Variants in SLC4A10 observed in about 807,000 individuals in gnomAD.
SLC4A10 encodes the protein solute carrier family 4 member 10.
In SLC4A10, 42 loss-of-function variants were observed where a neutral mutation model predicts 137.7. The ratio of observed to expected loss-of-function variants is 0.30; its 90% CI spans 0.24 to 0.39. The LOEUF (loss-of-function observed/expected upper bound fraction) is 0.39. SLC4A10 is among the 10% of genes least tolerant of loss of function. The probability of loss-of-function intolerance (pLI) is 1.00; values close to 1 mark genes in which losing one functional copy is unlikely to be tolerated. For synonymous variants in SLC4A10, 474 were observed against 464.1 expected (o/e 1.02, Z -0.27); for missense variants, 925 against 1,355.0 (o/e 0.68, Z 4.98).
At chr2:161,931,710 G>T (rs1690427228) in intron 15 of SLC4A10, among the ~76,000 whole-genome samples, 1 of 152,088 alleles carries the variant, frequency 6.6e-6, no homozygotes. Context: ...ATTTGCTCTG[G>T]TTTTGTTACT....
intron 1 of SLC4A10, among the ~76,000 whole-genome samples, chr2:161,637,442 C>T (rs2034624235): frequency 6.6e-6 from 1 of 152,046 alleles, no homozygotes; most frequent in Non-Finnish European, 1.5e-5. Flanking sequence ...CTCAGGTGAT[C>T]CGCCCACTTT....
In SLC4A10 at chr2:161,944,594, T is replaced by G. The variant is rs539400793; in HGVS notation, c.2103+1697T>G. Among the ~76,000 whole-genome samples the G allele has an allele frequency of 3.3e-3, 502 of 151,434 alleles. 4 individuals carry two copies. The highest frequency in any genetic ancestry group is 0.012 in the African/African-American group (477 of 41,450). On this transcript the variant is annotated intron_variant, in intron 16 of 26. Transcript: ENST00000446997. ...CAGCATTGTGGGGTTGTTGGTTTTT[T>G]TCTCTTTTTTTTTGTCATTTTAAAA...
chr2:161,754,035 A>C (rs1465168738), intron 1 of SLC4A10, among the ~76,000 whole-genome samples: 1 of 151,864 alleles, frequency 6.6e-6, no homozygotes, highest in Non-Finnish European at 1.5e-5. Context: ...GACTATAGGT[A>C]TGTGCCACCA....
intron 1 of SLC4A10, among the ~76,000 whole-genome samples, chr2:161,728,119 C>G (rs574161619): frequency 3.9e-5 from 6 of 152,200 alleles, no homozygotes; most frequent in African/African-American, 1.4e-4. Context: ...CAAGGGAATA[C>G]TAGGAAAAGT....
intron 21 of SLC4A10, among the ~76,000 whole-genome samples, chr2:161,960,033 G>A (rs1696350804): frequency 6.6e-6 from 1 of 152,068 alleles, no homozygotes; most frequent in Non-Finnish European, 1.5e-5. Flanking sequence ...CATGGATTTA[G>A]GGTGGGCCCT....
intron 23 of SLC4A10, among the ~76,000 whole-genome samples, chr2:161,971,212 A>G (rs1311628096): frequency 6.6e-6 from 1 of 152,258 alleles, no homozygotes; most frequent in Non-Finnish European, 1.5e-5. Flanking sequence ...TACATGCTCA[A>G]TAAATATTTG....
chr2:161,704,654 G>A (rs370277413), intron 1 of SLC4A10, among the ~76,000 whole-genome samples: 4 of 151,450 alleles, frequency 2.6e-5, no homozygotes, highest in African/African-American at 4.8e-5. Flanking sequence ...CATAGTTGAG[G>A]TTGTACCCCA....
At chr2:161,901,711 C>T (rs1054135713) in intron 12 of SLC4A10, among the ~76,000 whole-genome samples, 1 of 152,028 alleles carries the variant, frequency 6.6e-6, no homozygotes. Flanking sequence ...GCAATGTGTC[C>T]TCTAAGCTGA....
intron 3 of SLC4A10, among the ~76,000 whole-genome samples, chr2:161,830,070 T>C (rs1161262328): frequency 6.6e-6 from 1 of 151,992 alleles, no homozygotes; most frequent in Non-Finnish European, 1.5e-5. Context: ...CCAATTTCTT[T>C]CTATAGAATA....
At chr2:161,695,223 T>A (rs371368939) in intron 1 of SLC4A10, among the ~76,000 whole-genome samples, 52 of 152,156 alleles carry the variant, frequency 3.4e-4, no homozygotes, top group African/African-American at 1.2e-3. Context: ...TCTGAAGTTT[T>A]CTGTTCTGTG....
chr2:161,906,134 T>G (rs1684289256), intron 15 of SLC4A10, among the ~76,000 whole-genome samples: 1 of 152,228 alleles, frequency 6.6e-6, no homozygotes, highest in African/African-American at 2.4e-5. Context: ...TCCAGTGTTC[T>G]CTAAAATAAG....
chr2:161,755,635 T>C (rs985066680), intron 1 of SLC4A10, among the ~76,000 whole-genome samples: 2 of 152,236 alleles, frequency 1.3e-5, no homozygotes, highest in Non-Finnish European at 2.9e-5. Flanking sequence ...ATACTGATCC[T>C]GTCTTTTAGA....
intron 1 of SLC4A10, among the ~76,000 whole-genome samples, chr2:161,680,818 A>G (rs1209742354): frequency 1.3e-5 from 2 of 152,154 alleles, no homozygotes; most frequent in Admixed American, 6.6e-5. Flanking sequence ...AGTCTGCAGA[A>G]TGAATTTTAG....
intron 10 of SLC4A10, among the ~76,000 whole-genome samples, chr2:161,888,970 G>T (rs919025749): frequency 1.3e-5 from 2 of 152,142 alleles, no homozygotes; most frequent in African/African-American, 4.8e-5. Context: ...TCAATACCTA[G>T]TTTATTGAGA....
intron 15 of SLC4A10, among the ~76,000 whole-genome samples, chr2:161,935,461 C>T (rs952897646): frequency 1.3e-5 from 2 of 152,074 alleles, no homozygotes; most frequent in African/African-American, 4.8e-5. Context: ...CTGTTGATAG[C>T]TTTTGTTAGT....
At chr2:161,737,337 G>T (rs939573718) in intron 1 of SLC4A10, among the ~76,000 whole-genome samples, 2 of 151,932 alleles carry the variant, frequency 1.3e-5, no homozygotes, top group Non-Finnish European at 2.9e-5. Flanking sequence ...ATAGGGTAAA[G>T]AAACGATTCT....
intron 1 of SLC4A10, among the ~76,000 whole-genome samples, chr2:161,694,177 A>C (rs1448035677): frequency 2.0e-5 from 3 of 152,072 alleles, no homozygotes; most frequent in Admixed American, 1.3e-4. Context: ...ATAGTTGCTT[A>C]GTATAAATAA....
chr2:161,865,221 A>T (rs1012783955), intron 6 of SLC4A10, among the ~76,000 whole-genome samples: 1 of 152,062 alleles, frequency 6.6e-6, no homozygotes, highest in Non-Finnish European at 1.5e-5. Flanking sequence ...TTATTGTAAT[A>T]TGCAGATCTA....
At chr2:161,972,236 C>T (rs369240474) in intron 23 of SLC4A10, among the ~76,000 whole-genome samples, 14 of 152,228 alleles carry the variant, frequency 9.2e-5, no homozygotes, top group African/African-American at 3.4e-4. Flanking sequence ...GCTTTTGGTA[C>T]CACTGAGTGT....
Sources: allele counts gnomAD v4.1 joint callset (sites outside exome capture counted in the v4.1 genomes callset), GRCh38; gene constraint gnomAD v4.1.1; transcripts MANE v1.5; gene names NCBI Gene and HGNC (gene_info 2026-07-23, HGNC 2026-07-21).